RET: variants seen among roughly 807,000 people sequenced by gnomAD.
RET encodes ret proto-oncogene.
A neutral mutation model predicts 118.3 loss-of-function variants in RET; 19 were observed. The ratio of observed to expected loss-of-function variants is 0.16; its 90% CI spans 0.11 to 0.24. The LOEUF (loss-of-function observed/expected upper bound fraction) is 0.24. Among genes scored for constraint, RET ranks in the 10% least tolerant of loss-of-function variants. The probability of loss-of-function intolerance (pLI) is 1.00; values close to 1 mark genes in which losing one functional copy is unlikely to be tolerated. For missense variants in RET, 1,219 were observed against 1,502.1 expected (o/e 0.81, Z 3.12); for synonymous variants, 597 against 644.1 (o/e 0.93, Z 1.11).
At chr10:43,126,971 G>GA in intron 19 of RET, 16 of 1,403,586 alleles carry the variant, frequency 1.1e-5, no homozygotes, top group Non-Finnish European at 1.2e-5. Flanking sequence ...GATGGTAGAG[G>GA]AAAAAACAGA....
chr10:43,086,812 G>A (rs1322956651), intron 1 of RET, among the ~76,000 whole-genome samples: 1 of 152,274 alleles, frequency 6.6e-6, no homozygotes, highest in African/African-American at 2.4e-5. Context: ...GCTGCAGCTG[G>A]TCTGGGTATG....
At chr10:43,123,267 C>G (rs1251939249) in intron 16 of RET, among the ~76,000 whole-genome samples, 1 of 152,178 alleles carries the variant, frequency 6.6e-6, no homozygotes, top group Non-Finnish European at 1.5e-5. Flanking sequence ...AAGAACTATA[C>G]AAGGCACTCT....
At position 43,109,014 on chromosome 10, in the gene RET, T is replaced by C; in HGVS notation, c.1064-17T>C. 6.2e-7 allele frequency: 1 copy of C among 1,610,462 alleles called. No individual in the cohort carries two copies. On this transcript the variant is annotated splice_polypyrimidine_tract_variant and intron_variant, in intron 5 of 19. Transcript: ENST00000355710. The stretch of plus-strand genomic sequence containing the variant: ...GCCAGAGCAGCTTGGTGGTCATTGT[T>C]GTGCCCCTACCTGCAGGGCTGGTTC...
chr10:43,113,793 T>G, intron 10 of RET, 118 bp downstream of exon 10: 4 of 1,419,506 alleles, frequency 2.8e-6, no homozygotes, highest in Admixed American at 2.0e-5. Flanking sequence ...CCCATGAAAC[T>G]TCCCTCCCTC....
chr10:43,128,008 C>A, intron 19 of RET, 104 bp from the exon 20 acceptor site: 2 of 1,183,980 alleles, frequency 1.7e-6, no homozygotes, highest in South Asian at 2.5e-5. Flanking sequence ...ACAGAAACCA[C>A]GAGTTTGGTT....
At chr10:43,111,860 A>G (rs1588871842) in intron 7 of RET, among the ~76,000 whole-genome samples, 1 of 152,166 alleles carries the variant, frequency 6.6e-6, no homozygotes, top group African/African-American at 2.4e-5. Flanking sequence ...CTGCACTCAC[A>G]TCCTTCCTCC....
At chr10:43,126,866 C>T in intron 19 of RET, 144 bp downstream of exon 19, 4 of 1,463,552 alleles carry the variant, frequency 2.7e-6, no homozygotes, top group Non-Finnish European at 3.6e-6. Flanking sequence ...AAATGTCTGA[C>T]TTTGCATCCA....
At chr10:43,118,513 A>G (rs1251924640) in intron 13 of RET, 33 bp downstream of exon 13, 1 of 1,527,244 alleles carries the variant, frequency 6.5e-7, no homozygotes, top group Admixed American at 1.7e-5. Context: ...GTGGGCAGCC[A>G]CTGCACCCAG....
rs1255010070 is a variant in RET, at chr10:43,111,201, C to A, written c.1264-6C>A. On this transcript the variant is annotated splice_region_variant and splice_polypyrimidine_tract_variant and intron_variant, in intron 6 of 19. Transcript: ENST00000355710. Reference sequence around the variant, plus strand: ...CTGGCTAAGGTGTTCCCCTGTGCCCCCCTAGATCGGGAAAGTCTGTGTGGA... The same window carrying A: ...CTGGCTAAGGTGTTCCCCTGTGCCCACCTAGATCGGGAAAGTCTGTGTGGA... 6.2e-7 allele frequency: 1 copy of A among 1,613,526 alleles called. No individual in the cohort carries two copies. Among genetic ancestry groups the A allele is most frequent in the African/African-American group, 1.3e-5 (1 of 74,932 alleles).
In RET at chr10:43,102,477, G is replaced by A. The variant is rs780067540; in HGVS notation, c.473G>A (p.Ser158Asn). Reference protein sequence around the residue: ...SFFNTSFPACSSLKPRELCFP... With the variant: ...SFFNTSFPACNSLKPRELCFP... ...TTCAACACCTCCTTTCCAGCCTGCA[G>A]CTCCCTCAAGCCCCGGGAGCTCTGC... Residue 158 changes from serine to asparagine, a missense_variant, in exon 3 of 20, where the codon AGC (serine) becomes AAC (asparagine). Transcript: ENST00000355710. 2.5e-6 allele frequency: 4 copies of A among 1,614,240 alleles called. No homozygotes were observed. The highest frequency in any genetic ancestry group is 1.7e-5 in the Admixed American group (1 of 60,036).
rs1242806367 is a variant in RET at position 43,124,975 on chromosome 10, A to C, written c.3032A>C (p.Lys1011Thr). The change falls in exon 18 of 20, where the codon AAG becomes ACG. Residue 1011 changes from lysine (K) to threonine (T), a missense_variant. By Grantham distance (78) the Lys-to-Thr change is moderately conservative. This residue lies in a region of RET where 174 missense variants were observed against 179.3 expected (regional missense o/e 0.97). Coordinates refer to ENST00000355710, the MANE Select transcript of RET (RefSeq NM_020975.6). ...ISKDLEKMMV[K>T]RRDYLDLAAS... The stretch of plus-strand genomic sequence containing the variant: ...AAAGACCTGGAGAAGATGATGGTTA[A>C]GAGGAGAGTGAGTGCCTGGGTCCAA... 6.2e-7 allele frequency: 1 copy of C among 1,614,214 alleles called. No homozygotes were observed. Among genetic ancestry groups the C allele is most frequent in the South Asian group, 1.1e-5 (1 of 91,090 alleles).
At chr10:43,085,109 G>A (rs1449184973) in intron 1 of RET, among the ~76,000 whole-genome samples, 1 of 152,230 alleles carries the variant, frequency 6.6e-6, no homozygotes, top group Non-Finnish European at 1.5e-5. Flanking sequence ...TGGAGCTGGG[G>A]GGCCCTGAAC....
chr10:43,115,680 C>T (rs1056002863), intron 11 of RET, among the ~76,000 whole-genome samples: 6 of 152,272 alleles, frequency 3.9e-5, no homozygotes, highest in Non-Finnish European at 2.9e-5. Context: ...ACCCTAACCC[C>T]AGTCAGCTCC....
intron 2 of RET, among the ~76,000 whole-genome samples, chr10:43,101,582 C>T (rs1837643688): frequency 6.6e-6 from 1 of 152,332 alleles, no homozygotes; most frequent in South Asian, 2.1e-4. Flanking sequence ...TCCTGAGCCT[C>T]CAGGGTGGAG....
chr10:43,120,245 AG>A, intron 15 of RET, 42 bp downstream of exon 15: 2 of 1,609,308 alleles, frequency 1.2e-6, no homozygotes, highest in Non-Finnish European at 1.7e-6. Context: ...CAGGGATCCC[AG>A]GTGCACCATG....
chr10:43,104,893 A>G (rs1837724526), intron 3 of RET, 59 bp from the exon 4 acceptor site: 8 of 1,535,314 alleles, frequency 5.2e-6, no homozygotes, highest in South Asian at 1.2e-5. Flanking sequence ...TCCCGAGGAA[A>G]GCGGCTGGCC....
rs985686811 is a variant in RET, at chr10:43,119,727, G to A, written c.2589G>A (p.Gln863=). ...SFAWQISQGM[Q]YLAEMKLVHR... ...CCTGGCAGATCTCACAGGGGATGCA[G>A]TATCTGGCCGAGATGAAGGTGCGTG... is the stretch of plus-strand genomic sequence containing the variant. Residue 863 remains glutamine (Q), a synonymous_variant, in exon 14 of 20, where the codon CAG becomes CAA. Coordinates refer to ENST00000355710, the MANE Select transcript of RET (RefSeq NM_020975.6). 7 of 1,613,274 alleles carry A rather than the reference G, an allele frequency of 4.3e-6. No homozygotes were observed. Among genetic ancestry groups the A allele is most frequent in the African/African-American group, 1.3e-5 (1 of 74,912 alleles).
Position 43,106,648 on chromosome 10 carries a change from C to T in RET, c.1063+77C>T. ...TCGCTCTTCATGGGCAAGCAGCACC[C>T]TACACACATGCACACCTGGCATGGC... On this transcript the variant is annotated intron_variant, in intron 5 of 19. Transcript: ENST00000355710. The surrounding 1 kb of genome is among the most constrained non-coding windows in gnomAD (Gnocchi z 5.1). The T allele has an allele frequency of 6.9e-7, 1 of 1,439,060 alleles. No individual in the cohort carries two copies. Among genetic ancestry groups the T allele is most frequent in the Non-Finnish European group, 9.6e-7 (1 of 1,042,242 alleles). 89.1% of individuals were successfully genotyped at this position (1,439,060 alleles called of 1,614,324 possible). A position where few individuals can be genotyped will look rare whatever the true frequency, so the allele number is the denominator to read the frequency against.
At position 43,129,292 on chromosome 10, in the gene RET, G is replaced by A. The variant is rs529592624; in HGVS notation, c.*1023G>A. The A allele has an allele frequency of 4.3e-6, 1 of 233,692 alleles. No homozygotes were observed. The highest frequency in any genetic ancestry group is 5.6e-5 in the Admixed American group (1 of 17,798). 14.5% of individuals were successfully genotyped at this position (233,692 alleles called of 1,614,324 possible). ...TCATAAAGGGACAGGCTAGCTAGCT[G>A]TGTTAGAAGTAGCAATGACAATGAC... On this transcript the variant is annotated 3_prime_UTR_variant, in exon 20 of 20. Coordinates refer to ENST00000355710, the MANE Select transcript of RET (RefSeq NM_020975.6).
Sources: allele counts gnomAD v4.1 joint callset (sites outside exome capture counted in the v4.1 genomes callset), GRCh38; gene constraint gnomAD v4.1.1; regional missense constraint gnomAD v4.1.1; non-coding constraint Gnocchi (gnomAD v3.1); transcripts MANE v1.5; gene names NCBI Gene and HGNC (gene_info 2026-07-23, HGNC 2026-07-21).